TENM2: variants seen among roughly 807,000 people sequenced by gnomAD.
TENM2 encodes the protein teneurin transmembrane protein 2, also known as teneurin-2.
TENM2 carries 52 observed loss-of-function variants against 245.2 expected under a neutral mutation model. The observed-to-expected ratio is 0.21, with a 90% CI of 0.17 to 0.27. The LOEUF (loss-of-function observed/expected upper bound fraction) is 0.27, where lower values mean the gene tolerates loss of function less well. Ranked by LOEUF, TENM2 falls within the 10% of genes least tolerant of loss-of-function variation. TENM2 has a pLI of 1.00. For missense variants in TENM2, 3,046 were observed against 3,666.8 expected, an observed-to-expected ratio of 0.83 and a Z score of 4.37; for synonymous variants, 1,363 against 1,438.9, an observed-to-expected ratio of 0.95 and a Z score of 1.19.
chr5:167,793,261 A>T (rs913769426), intron 2 of TENM2, among the ~76,000 whole-genome samples: 28 of 152,302 alleles, frequency 1.8e-4, no homozygotes, highest in African/African-American at 6.7e-4. Flanking sequence ...AAATGACTTA[A>T]CATCTCTGAG....
chr5:168,035,175 T>C (rs529565264), intron 5 of TENM2, among the ~76,000 whole-genome samples: 326 of 152,316 alleles, frequency 2.1e-3, no homozygotes, highest in Admixed American at 3.9e-3. Context: ...AGTATTAAAA[T>C]TTTTTTACTT....
At chr5:167,964,903 G>A (rs1286922638) in intron 4 of TENM2, among the ~76,000 whole-genome samples, 2 of 152,302 alleles carry the variant, frequency 1.3e-5, no homozygotes, top group East Asian at 1.9e-4. Flanking sequence ...AGCTTTTTAA[G>A]CAGGAGAGCA....
Position 168,062,281 on chromosome 5 carries a change from AT to A in TENM2, c.1515+17del, listed in dbSNP as rs754889920. The A allele has an allele frequency of 1.4e-5, 22 of 1,610,056 alleles. No homozygotes were observed. Among genetic ancestry groups the A allele is most frequent in the Non-Finnish European group, 1.7e-5 (20 of 1,176,856 alleles). ...TCATGCCCAGGTATGACCATGTTTGATGTAATCAAGCATTTAAAAAAATATA... is the reference window on the plus strand; with the variant it reads ...TCATGCCCAGGTATGACCATGTTTGAGTAATCAAGCATTTAAAAAAATATA... On this transcript the variant is annotated intron_variant, in intron 7 of 28. Coordinates refer to ENST00000518659, the Ensembl canonical transcript of TENM2.
At chr5:167,960,837 C>G (rs963110110) in intron 4 of TENM2, among the ~76,000 whole-genome samples, 2 of 152,174 alleles carry the variant, frequency 1.3e-5, no homozygotes, top group Non-Finnish European at 2.9e-5. Flanking sequence ...TGTAGGCACC[C>G]AAGGGAATCT....
the TENM2 span, among the ~76,000 whole-genome samples, chr5:167,277,468 A>G: frequency 3.3e-5 from 5 of 152,080 alleles, no homozygotes; most frequent in Non-Finnish European, 7.4e-5. Context: ...GTTGTCAGGG[A>G]ACATACTCTG....
the TENM2 span, among the ~76,000 whole-genome samples, chr5:167,260,848 C>T: frequency 1.8e-3 from 279 of 152,260 alleles, 2 homozygotes; most frequent in Non-Finnish European, 3.4e-3. Context: ...ATAATTTGAG[C>T]TTGGCCTCCA....
intron 2 of TENM2, among the ~76,000 whole-genome samples, chr5:167,870,722 A>G (rs187787846): frequency 0.013 from 1,980 of 150,114 alleles, 48 homozygotes; most frequent in African/African-American, 0.042. Context: ...ATATATATAT[A>G]TATGTGTGAT....
the TENM2 span, among the ~76,000 whole-genome samples, chr5:167,176,882 G>T: frequency 6.6e-6 from 1 of 152,198 alleles, no homozygotes; most frequent in Non-Finnish European, 1.5e-5. Context: ...GATGGAGAAC[G>T]TGGATGGGGA....
chr5:168,155,810 A>G (rs1203634052), intron 12 of TENM2, among the ~76,000 whole-genome samples: 1 of 149,708 alleles, frequency 6.7e-6, no homozygotes, highest in Non-Finnish European at 1.5e-5. Context: ...AATTAGTGCC[A>G]CTATCTACTG....
At chr5:167,354,358 A>G (rs1330030106) in intron 1 of TENM2, among the ~76,000 whole-genome samples, 1 of 152,242 alleles carries the variant, frequency 6.6e-6, no homozygotes, top group Non-Finnish European at 1.5e-5. Flanking sequence ...ATAATCCACA[A>G]ATTAGGTCAG....
intron 9 of TENM2, among the ~76,000 whole-genome samples, chr5:168,104,556 G>A (rs1296034422): frequency 6.6e-6 from 1 of 152,214 alleles, no homozygotes; most frequent in Non-Finnish European, 1.5e-5. Flanking sequence ...GACCGGGTAT[G>A]TGTCCAAGTG....
intron 2 of TENM2, among the ~76,000 whole-genome samples, chr5:167,595,253 A>T (rs1242158734): frequency 6.6e-6 from 1 of 152,204 alleles, no homozygotes; most frequent in Non-Finnish European, 1.5e-5. Flanking sequence ...GAATCAAAAG[A>T]CTATAAGATG....
At chr5:168,259,154 A>G (rs1375136737) in intron 27 of TENM2, among the ~76,000 whole-genome samples, 1 of 152,002 alleles carries the variant, frequency 6.6e-6, no homozygotes, top group African/African-American at 2.4e-5. Flanking sequence ...GTCTTTTTCT[A>G]AGGACCTAGA....
intron 2 of TENM2, among the ~76,000 whole-genome samples, chr5:167,730,013 A>G (rs1259172692): frequency 2.0e-5 from 3 of 152,186 alleles, no homozygotes; most frequent in Admixed American, 6.5e-5. Flanking sequence ...CTCCTTGATA[A>G]GATATTGAGT....
the TENM2 span, chr5:167,116,675 T>G: frequency 1.3e-5 from 2 of 151,740 alleles, no homozygotes; most frequent in Non-Finnish European, 2.9e-5. Flanking sequence ...TAATGAGCAG[T>G]AGATACTTGT....
At chr5:167,351,994 G>A (rs1041281601) in intron 1 of TENM2, among the ~76,000 whole-genome samples, 14 of 152,134 alleles carry the variant, frequency 9.2e-5, no homozygotes, top group Admixed American at 8.5e-4. Context: ...TAAGTGATGA[G>A]TGAAGAAAAT....
At chr5:167,426,771 G>A (rs547620793) in intron 2 of TENM2, among the ~76,000 whole-genome samples, 1 of 152,094 alleles carries the variant, frequency 6.6e-6, no homozygotes, top group African/African-American at 2.4e-5. Flanking sequence ...ATCAGCGAAT[G>A]TTTATCAGGA....
intron 3 of TENM2, among the ~76,000 whole-genome samples, chr5:167,933,060 T>C (rs1778408719): frequency 6.6e-6 from 1 of 152,202 alleles, no homozygotes; most frequent in African/African-American, 2.4e-5. Context: ...AACAAGGTCA[T>C]GTGCAAAAAC....
the TENM2 span, among the ~76,000 whole-genome samples, chr5:167,215,423 C>T: frequency 6.6e-6 from 1 of 152,060 alleles, no homozygotes; most frequent in African/African-American, 2.4e-5. Context: ...AAATGCAGTC[C>T]AGGCTCCATA....
Sources: gnomAD v4.1 joint callset for allele counts (sites outside exome capture counted in the v4.1 genomes callset) on GRCh38, gnomAD v4.1.1 for gene constraint, MANE v1.5 for transcripts, NCBI Gene and HGNC (gene_info 2026-07-23, HGNC 2026-07-21) for gene names.